GRIA1: variants seen among roughly 807,000 people sequenced by gnomAD.
The protein encoded by GRIA1 is glutamate receptor 1.
Under a neutral mutation model 99.2 loss-of-function variants are expected in GRIA1, and 31 were observed. The observed-to-expected ratio is 0.31, with a 90% CI of 0.23 to 0.42. The LOEUF is 0.42. Among genes scored for constraint, GRIA1 ranks in the 10% least tolerant of loss-of-function variants. The probability of loss-of-function intolerance (pLI) is 1.00; values close to 1 mark genes in which losing one functional copy is unlikely to be tolerated. For synonymous variants in GRIA1, 438 were observed against 432.4 expected (o/e 1.01, Z -0.16); for missense variants, 782 against 1,157.5 (o/e 0.68, Z 4.71).
At chr5:153,633,513 G>A (rs1753123772) in intron 2 of GRIA1, among the ~76,000 whole-genome samples, 1 of 151,686 alleles carries the variant, frequency 6.6e-6, no homozygotes, top group South Asian at 2.1e-4. Flanking sequence ...GGCAGAGAAG[G>A]CAGCTGAGCT....
chr5:153,495,891 G>A (rs1055177517), intron 2 of GRIA1, among the ~76,000 whole-genome samples: 5 of 152,218 alleles, frequency 3.3e-5, no homozygotes, highest in Non-Finnish European at 5.9e-5. Context: ...ATGTTTAAAC[G>A]CATATACATG....
intron 13 of GRIA1, among the ~76,000 whole-genome samples, chr5:153,789,903 T>C (rs1444795525): frequency 6.6e-6 from 1 of 152,178 alleles, no homozygotes; most frequent in Non-Finnish European, 1.5e-5. Context: ...GTTGTTGTTG[T>C]TATTTATCAA....
chr5:153,703,374 A>T (rs932365270), intron 10 of GRIA1, among the ~76,000 whole-genome samples: 3 of 152,202 alleles, frequency 2.0e-5, no homozygotes, highest in African/African-American at 7.2e-5. Flanking sequence ...TGTTATTTTC[A>T]TGTTATTAAC....
At chr5:153,574,514 G>C in intron 2 of GRIA1, 1 of 152,102 alleles carries the variant, frequency 6.6e-6, no homozygotes, top group Non-Finnish European at 1.5e-5. Context: ...AAGAGGAAGG[G>C]AGGAAGGGGA....
chr5:153,633,826 C>G (rs73287718), intron 2 of GRIA1, among the ~76,000 whole-genome samples: 2,181 of 152,264 alleles, frequency 0.014, 50 homozygotes, highest in African/African-American at 0.05. Flanking sequence ...TGCATTTATT[C>G]CATTCAGCAG....
intron 10 of GRIA1, 33 bp downstream of exon 10, chr5:153,699,106 C>T (rs202043283): frequency 1.8e-4 from 269 of 1,477,488 alleles, no homozygotes; most frequent in African/African-American, 8.3e-5. Context: ...AATTAGAGGG[C>T]GGAGGCAGAG....
intron 11 of GRIA1, among the ~76,000 whole-genome samples, chr5:153,758,937 G>A (rs1005299537): frequency 6.6e-6 from 1 of 151,680 alleles, no homozygotes; most frequent in African/African-American, 2.4e-5. Flanking sequence ...ATAACAAGAG[G>A]AACTTTGGAA....
intron 2 of GRIA1, among the ~76,000 whole-genome samples, chr5:153,580,289 G>A (rs758883819): frequency 6.6e-6 from 1 of 152,154 alleles, no homozygotes; most frequent in East Asian, 1.9e-4. Context: ...GTCTGACCTC[G>A]AGCCTGACAT....
chr5:153,624,743 C>A (rs567103537), intron 2 of GRIA1, among the ~76,000 whole-genome samples: 6 of 152,256 alleles, frequency 3.9e-5, no homozygotes, highest in Admixed American at 2.0e-4. Context: ...TTTACTCATC[C>A]CTACCAGATT....
chr5:153,528,031 T>G (rs1757762196), intron 2 of GRIA1, among the ~76,000 whole-genome samples: 1 of 152,234 alleles, frequency 6.6e-6, no homozygotes, highest in Admixed American at 6.5e-5. Context: ...GTACAGTTCA[T>G]TTGCACATCT....
Position 153,595,559 on chromosome 5 carries a change from G to T in GRIA1, c.221-51369G>T, listed in dbSNP as rs945728190. 2.0e-5 allele frequency among the ~76,000 whole-genome samples: 3 copies of T among 151,712 alleles called. No homozygotes were observed. In the East Asian group the frequency reaches 5.8e-4, roughly 29 times the overall value. ...TCAAATTATTCTGACTGGGAAATTT[G>T]TTTCTTCTCACTATTTATTTACATA... On this transcript the variant is annotated intron_variant, in intron 2 of 15. Transcript: ENST00000285900.
chr5:153,785,824 A>T (rs1764934146), intron 13 of GRIA1, among the ~76,000 whole-genome samples: 1 of 152,206 alleles, frequency 6.6e-6, no homozygotes, highest in Non-Finnish European at 1.5e-5. Flanking sequence ...TTCAAGTAGC[A>T]ATTATCAGAG....
intron 2 of GRIA1, among the ~76,000 whole-genome samples, chr5:153,600,017 G>C (rs759527917): frequency 7.9e-5 from 12 of 152,102 alleles, no homozygotes; most frequent in Non-Finnish European, 1.2e-4. Context: ...GGACACGGAG[G>C]CACTGCGCAC....
chr5:153,565,361 A>G (rs1761522048), intron 2 of GRIA1, among the ~76,000 whole-genome samples: 1 of 152,176 alleles, frequency 6.6e-6, no homozygotes, highest in African/African-American at 2.4e-5. Flanking sequence ...GCTTCAATAA[A>G]TCTGTGTTTC....
At chr5:153,546,658 C>T (rs141642231) in intron 2 of GRIA1, among the ~76,000 whole-genome samples, 86 of 152,240 alleles carry the variant, frequency 5.6e-4, no homozygotes, top group Non-Finnish European at 9.4e-4. Context: ...CCCAAGGAAA[C>T]ACAGTTTATT....
chr5:153,802,511 CT>C, intron 15 of GRIA1, 21 bp downstream of exon 15: 1 of 1,613,496 alleles, frequency 6.2e-7, no homozygotes, highest in Non-Finnish European at 8.5e-7. Flanking sequence ...CTTCCCGGGC[CT>C]TTTTCCTAAC....
chr5:153,644,900 C>G (rs1276051982), intron 2 of GRIA1, among the ~76,000 whole-genome samples: 1 of 151,598 alleles, frequency 6.6e-6, no homozygotes, highest in Non-Finnish European at 1.5e-5. Context: ...CTACAGCAGG[C>G]AGCAAGGAGA....
intron 2 of GRIA1, among the ~76,000 whole-genome samples, chr5:153,584,171 T>C (rs907094793): frequency 1.3e-5 from 2 of 152,180 alleles, no homozygotes; most frequent in Admixed American, 6.5e-5. Context: ...GTTGTACTCA[T>C]GTTGCCCCAA....
At chr5:153,556,906 C>T (rs1258102306) in intron 2 of GRIA1, among the ~76,000 whole-genome samples, 1 of 152,154 alleles carries the variant, frequency 6.6e-6, no homozygotes, top group African/African-American at 2.4e-5. Flanking sequence ...ATGGTGTAGC[C>T]TACTACACAC....
Sources: allele counts gnomAD v4.1 joint callset (sites outside exome capture counted in the v4.1 genomes callset), GRCh38; gene constraint gnomAD v4.1.1; transcripts MANE v1.5; gene names NCBI Gene and HGNC (gene_info 2026-07-23, HGNC 2026-07-21).